Variants in KLHL2 observed in about 807,000 individuals in gnomAD.
KLHL2 encodes kelch-like protein 2.
In KLHL2, 15 loss-of-function variants were observed where a neutral mutation model predicts 75.8. That is an observed-to-expected ratio of 0.20 (90% CI 0.13 to 0.30). KLHL2 has a LOEUF of 0.30. KLHL2 is among the 10% of genes least tolerant of loss of function. KLHL2 has a pLI of 1.00. For missense variants in KLHL2, 381 were observed against 741.0 expected (o/e 0.51, Z 5.64); for synonymous variants, 214 against 251.9 (o/e 0.85, Z 1.42).
intron 5 of KLHL2, among the ~76,000 whole-genome samples, chr4:165,290,350 G>A (rs1744415398): frequency 6.6e-6 from 1 of 151,988 alleles, no homozygotes; most frequent in Non-Finnish European, 1.5e-5. Context: ...GGCCAGGCTG[G>A]TCTTGAACCC....
At position 165,221,642 on chromosome 4, in the gene KLHL2, C is replaced by G. The variant is rs1298657008; in HGVS notation, c.152+1583C>G. Among the ~76,000 whole-genome samples the G allele has an allele frequency of 1.2e-4, 18 of 152,104 alleles. 1 individual carries two copies. Among genetic ancestry groups the G allele is most frequent in the Admixed American group, 1.2e-3 (18 of 15,280 alleles). ...GGAGAGTGTTAAGCGGGAATGTGAC[C>G]TGATCAGATTTATATTTTGAACACA... On this transcript the variant is annotated intron_variant, in intron 2 of 14. Coordinates refer to ENST00000226725, the MANE Select transcript of KLHL2 (RefSeq NM_007246.4).
intron 1 of KLHL2, among the ~76,000 whole-genome samples, chr4:165,213,153 T>C (rs1036996803): frequency 6.6e-5 from 10 of 152,252 alleles, no homozygotes; most frequent in African/African-American, 2.2e-4. Context: ...CCAGGAACTG[T>C]GGTCTTGGTT....
At chr4:165,250,404 G>A (rs1740610507) in intron 4 of KLHL2, among the ~76,000 whole-genome samples, 1 of 152,118 alleles carries the variant, frequency 6.6e-6, no homozygotes, top group Non-Finnish European at 1.5e-5. Context: ...TGAATTATAC[G>A]TATAATGCTG....
In KLHL2 at chr4:165,314,037, T is replaced by A; in HGVS notation, c.1480T>A (p.Leu494Ile). The change falls in exon 13 of 15, where the codon TTA (leucine) becomes ATA (isoleucine). Residue 494 changes from leucine (L) to isoleucine (I), a missense_variant. Physicochemically the swap from Leu to Ile is conservative, Grantham distance 5. Coordinates refer to ENST00000226725, the MANE Select transcript of KLHL2 (RefSeq NM_007246.4). Reference protein sequence around the residue: ...TRRSGAGVGVLNNLLYAVGGH... With the variant: ...TRRSGAGVGVINNLLYAVGGH... ...GTTGTGTTTTATAGGTGTTGGTGTG[T>A]TAAACAATTTATTGTATGCTGTAGG... is the stretch of plus-strand genomic sequence containing the variant. The A allele has an allele frequency of 1.2e-6, 2 of 1,613,196 alleles. No individual in the cohort carries two copies. The highest frequency in any genetic ancestry group is 1.7e-6 in the Non-Finnish European group (2 of 1,179,534).
At chr4:165,317,452 TC>T (rs1746670274) in intron 13 of KLHL2, among the ~76,000 whole-genome samples, 1 of 151,714 alleles carries the variant, frequency 6.6e-6, no homozygotes, top group Admixed American at 6.6e-5. Context: ...AGCCTCTGCC[TC>T]CCTGGGTTCA....
chr4:165,284,938 C>T (rs745949720), intron 5 of KLHL2, among the ~76,000 whole-genome samples: 3 of 152,148 alleles, frequency 2.0e-5, no homozygotes, highest in Admixed American at 6.5e-5. Context: ...TTTTTAAAAC[C>T]GTCAGATCTC....
At chr4:165,305,004 A>G (rs1745618365) in intron 8 of KLHL2, among the ~76,000 whole-genome samples, 3 of 152,178 alleles carry the variant, frequency 2.0e-5, no homozygotes. Flanking sequence ...TCATTATGAT[A>G]TCTAGCATCT....
intron 1 of KLHL2, among the ~76,000 whole-genome samples, chr4:165,215,796 G>A (rs2110960277): frequency 6.6e-6 from 1 of 151,976 alleles, no homozygotes; most frequent in East Asian, 1.9e-4. Flanking sequence ...TGAGGTGGGA[G>A]GTAAGTTGGT....
At chr4:165,264,032 C>T (rs1741942042) in intron 5 of KLHL2, among the ~76,000 whole-genome samples, 2 of 152,014 alleles carry the variant, frequency 1.3e-5, no homozygotes, top group Non-Finnish European at 2.9e-5. Flanking sequence ...TTTAGCTGCT[C>T]TTCAGGCCCT....
chr4:165,320,489 A>G (rs1284866324), intron 14 of KLHL2, among the ~76,000 whole-genome samples: 1 of 152,148 alleles, frequency 6.6e-6, no homozygotes, highest in African/African-American at 2.4e-5. Flanking sequence ...GTTCAACACC[A>G]AAGGCATAGA....
At chr4:165,279,490 C>A (rs755109054) in intron 5 of KLHL2, 31 of 1,577,886 alleles carry the variant, frequency 2.0e-5, no homozygotes, top group Non-Finnish European at 2.7e-5. Flanking sequence ...CCTGTTCCAC[C>A]CATCCTTCTC....
intron 7 of KLHL2, 121 bp downstream of exon 7, chr4:165,297,846 G>A: frequency 1.4e-6 from 1 of 729,080 alleles, no homozygotes; most frequent in Non-Finnish European, 2.5e-6. Context: ...GTACAGGACA[G>A]AAGACAGTAA....
chr4:165,260,419 A>G (rs940598385), intron 4 of KLHL2, among the ~76,000 whole-genome samples: 15 of 152,218 alleles, frequency 9.9e-5, no homozygotes, highest in Non-Finnish European at 1.5e-4. Flanking sequence ...ATTTCTACCT[A>G]GATGACTTGT....
intron 5 of KLHL2, among the ~76,000 whole-genome samples, chr4:165,292,340 TA>T (rs1744581011): frequency 7.2e-6 from 1 of 139,730 alleles, no homozygotes; most frequent in Admixed American, 7.0e-5. Flanking sequence ...TGAACTTTTT[TA>T]TTTTTTTTTG....
Position 165,322,184 on chromosome 4 carries a change from G to GT in KLHL2, c.*124_*125insT. 1 of 930,788 alleles carries GT rather than the reference G, an allele frequency of 1.1e-6. No individual in the cohort carries two copies. Among genetic ancestry groups the GT allele is most frequent in the Non-Finnish European group, 1.7e-6 (1 of 574,460 alleles). 57.7% of individuals were successfully genotyped at this position (930,788 alleles called of 1,614,324 possible). A position where few individuals can be genotyped will look rare whatever the true frequency, so the allele number is the denominator to read the frequency against. ...CACTTTAAGTCTCAGCAGAAGATAC[G>GT]ATCGTCTGCCTTTATAGGCCTCAGA... On this transcript the variant is annotated 3_prime_UTR_variant, in exon 15 of 15. Transcript: ENST00000226725.
chr4:165,225,606 A>G (rs533328296), intron 2 of KLHL2, among the ~76,000 whole-genome samples: 1 of 152,292 alleles, frequency 6.6e-6, no homozygotes, highest in East Asian at 1.9e-4. Context: ...TTTTAGTGCC[A>G]GACTTTTCAT....
intron 5 of KLHL2, among the ~76,000 whole-genome samples, chr4:165,269,527 G>A (rs369769682): frequency 2.3e-4 from 35 of 151,864 alleles, no homozygotes; most frequent in Middle Eastern, 3.4e-3. Context: ...AAATTCTCTC[G>A]GCATTTGCTT....
chr4:165,258,269 A>T (rs1338563276), intron 4 of KLHL2, among the ~76,000 whole-genome samples: 1 of 152,018 alleles, frequency 6.6e-6, no homozygotes, highest in Non-Finnish European at 1.5e-5. Context: ...TCCATCTTTG[A>T]TGTTTTGGAA....
chr4:165,268,797 G>C (rs1460675338), intron 5 of KLHL2, among the ~76,000 whole-genome samples: 1 of 152,184 alleles, frequency 6.6e-6, no homozygotes, highest in African/African-American at 2.4e-5. Context: ...CTGTTGATTT[G>C]GGGTGGAGAG....
Sources: gnomAD v4.1 joint callset for allele counts (sites outside exome capture counted in the v4.1 genomes callset) on GRCh38, gnomAD v4.1.1 for gene constraint, MANE v1.5 for transcripts, NCBI Gene and HGNC (gene_info 2026-07-23, HGNC 2026-07-21) for gene names.